The following DLG3 variants were observed in gnomAD, a reference collection of about 807,000 sequenced individuals.
The protein encoded by DLG3 is discs large MAGUK scaffold protein 3, also known as disks large homolog 3.
Under a neutral mutation model 64.1 loss-of-function variants are expected in DLG3, and 1 was observed. That is an observed-to-expected ratio of 0.02 (90% CI 0.01 to 0.07). DLG3 has a LOEUF of 0.07. DLG3 is among the 10% of genes least tolerant of loss of function. The pLI is 1.00. For synonymous variants in DLG3, 245 were observed against 259.8 expected, an observed-to-expected ratio of 0.94 and a Z score of 0.55; for missense variants, 429 against 669.5, an observed-to-expected ratio of 0.64 and a Z score of 3.96.
At chrX:70,493,002 A>G (rs2087386491) in intron 12 of DLG3, among the ~76,000 whole-genome samples, 2 of 111,261 alleles carry the variant, frequency 1.8e-5, no homozygotes, top group Non-Finnish European at 1.9e-5. Flanking sequence ...CTTTTTTTCT[A>G]TGAGCTTCAC....
intron 14 of DLG3, 59 bp from the exon 15 acceptor site, chrX:70,499,117 G>A (rs182522321): frequency 2.3e-6 from 2 of 866,294 alleles, no homozygotes; most frequent in East Asian, 3.2e-5. Flanking sequence ...AGACTCAGGG[G>A]TAGGACAGGC....
At chrX:70,495,342 A>G in intron 12 of DLG3, 66 bp from the exon 13 acceptor site, 2 of 1,035,017 alleles carry the variant, frequency 1.9e-6, no homozygotes, top group Non-Finnish European at 2.7e-6. Flanking sequence ...ATTCCCTCCC[A>G]TCCCTTCCCC....
At chrX:70,475,581 C>T (rs2087041825) in intron 9 of DLG3, among the ~76,000 whole-genome samples, 1 of 111,823 alleles carries the variant, frequency 8.9e-6, no homozygotes, top group Non-Finnish European at 1.9e-5. Context: ...AACTCCTGAC[C>T]TCAGATGAGT....
At chrX:70,470,427 C>T (rs922971553) in intron 9 of DLG3, among the ~76,000 whole-genome samples, 2 of 111,331 alleles carry the variant, frequency 1.8e-5, no homozygotes, top group Non-Finnish European at 3.8e-5. Flanking sequence ...GACAGGGTTT[C>T]ACCATGTTGG....
At chrX:70,467,733 A>T (rs968221154) in intron 9 of DLG3, among the ~76,000 whole-genome samples, 1 of 112,338 alleles carries the variant, frequency 8.9e-6, no homozygotes, top group Non-Finnish European at 1.9e-5. Flanking sequence ...TCTTCTTATC[A>T]AGTGTACCCA....
intron 1 of DLG3, chrX:70,448,446 C>A: frequency 1.9e-6 from 1 of 517,854 alleles, no homozygotes; most frequent in Non-Finnish European, 3.2e-6. Flanking sequence ...CAGTGGGAGT[C>A]TATGATCCCC....
intron 9 of DLG3, among the ~76,000 whole-genome samples, chrX:70,458,480 C>G (rs1049572571): frequency 1.8e-5 from 2 of 111,014 alleles, no homozygotes; most frequent in Non-Finnish European, 3.8e-5. Context: ...TTTGTAGAAA[C>G]AGGGTCTCAC....
chrX:70,484,997 T>TG (rs1336203765), intron 10 of DLG3, among the ~76,000 whole-genome samples: 1 of 112,308 alleles, frequency 8.9e-6, no homozygotes, highest in African/African-American at 3.2e-5. Flanking sequence ...GAGTGACTGT[T>TG]GCTTTATAAC....
Position 70,482,662 on chromosome X carries a change from G to GTTTTTTTT in DLG3, c.1520+3414_1520+3421dup, listed in dbSNP as rs774419870. 1.8e-3 allele frequency among the ~76,000 whole-genome samples: 121 copies of GTTTTTTTT among 66,038 alleles called. 2 individuals are homozygous for GTTTTTTTT. The highest frequency in any genetic ancestry group is 3.3e-3 in the African/African-American group (55 of 16,475). The allele number at this position is 66,038 out of a possible 115,157, so 57.3% of individuals were successfully genotyped here. A position where few individuals can be genotyped will look rare whatever the true frequency, so the allele number is the denominator to read the frequency against. On this transcript the variant is annotated intron_variant, in intron 10 of 18. Transcript: ENST00000374360. ...AGGTTTGGGAAAATACATGTGTGGTGTTTTTTTTTTTTTTTTTTTTTTTGA... is the reference window on the plus strand; with the variant it reads ...AGGTTTGGGAAAATACATGTGTGGTGTTTTTTTTTTTTTTTTTTTTTTTTTTTTTTTGA...
At chrX:70,479,607 C>T (rs1255243246) in intron 10 of DLG3, among the ~76,000 whole-genome samples, 1 of 111,486 alleles carries the variant, frequency 9.0e-6, no homozygotes, top group African/African-American at 3.3e-5. Flanking sequence ...ACTTGCCACC[C>T]CCCCATCCCC....
Position 70,448,741 on chromosome X carries a change from G to A in DLG3, c.358-172G>A, listed in dbSNP as rs931953390. ...AGCAAAGCAGGGATTGGTGGGGTGA[G>A]TGAGGAGCGGCCTCTTCCAGGTCAG... On this transcript the variant is annotated intron_variant, in intron 1 of 18. Transcript: ENST00000374360. 11 of 963,571 alleles carry A rather than the reference G, an allele frequency of 1.1e-5. No individual in the cohort carries two copies. The Admixed American group carries it at 2.6e-4, about 23-fold the overall frequency. The allele number at this position is 963,571 out of a possible 1,213,427, so 79.4% of individuals were successfully genotyped here.
intron 9 of DLG3, among the ~76,000 whole-genome samples, chrX:70,467,943 A>C (rs917493786): frequency 8.9e-6 from 1 of 112,010 alleles, no homozygotes; most frequent in African/African-American, 3.2e-5. Flanking sequence ...TTTTACCCTG[A>C]GCTGCTGGGT....
chrX:70,460,933 T>C (rs956722298), intron 9 of DLG3, among the ~76,000 whole-genome samples: 3 of 112,586 alleles, frequency 2.7e-5, no homozygotes, highest in Non-Finnish European at 3.7e-5. Context: ...GCTGAATATA[T>C]ATCATTATAT....
At chrX:70,491,972 C>T in intron 10 of DLG3, 135 bp from the exon 11 acceptor site, 1 of 636,666 alleles carries the variant, frequency 1.6e-6, no homozygotes, top group Non-Finnish European at 2.5e-6. Context: ...GATGTGGTCT[C>T]CTGGAGACAT....
intron 12 of DLG3, chrX:70,493,604 C>T: frequency 1.8e-6 from 1 of 559,822 alleles, no homozygotes. Context: ...TGCGTGTGCA[C>T]CTGCTTATCT....
At chrX:70,462,842 C>T (rs893099008) in intron 9 of DLG3, among the ~76,000 whole-genome samples, 3 of 111,472 alleles carry the variant, frequency 2.7e-5, no homozygotes, top group Non-Finnish European at 3.8e-5. Context: ...CTTTTAGGCC[C>T]AGCCCTGTTC....
Position 70,455,330 on chromosome X carries a change from T to G in DLG3, c.1405+1014T>G, listed in dbSNP as rs183125336. 78 of 752,248 alleles carry G rather than the reference T, an allele frequency of 1.0e-4. No individual in the cohort carries two copies. The African/African-American group carries it at 1.6e-3, about 16-fold the overall frequency. 62.0% of individuals were successfully genotyped at this position (752,248 alleles called of 1,213,427 possible). ...CCCTAACCTCTCTACGGCTCTGTTC[T>G]CAGCCTCTTTTCCAACACTGCGTGC... is the stretch of plus-strand genomic sequence containing the variant. On this transcript the variant is annotated intron_variant, in intron 9 of 18. Coordinates refer to ENST00000374360, the MANE Select transcript of DLG3 (RefSeq NM_021120.4).
chrX:70,478,018 T>C (rs755725700), intron 9 of DLG3, among the ~76,000 whole-genome samples: 11 of 111,671 alleles, frequency 9.9e-5, no homozygotes, highest in Non-Finnish European at 2.1e-4. Context: ...CCCCTGGAAG[T>C]GTGTTTGTTT....
chrX:70,446,629 C>T (rs1465543946), intron 1 of DLG3, among the ~76,000 whole-genome samples: 2 of 112,716 alleles, frequency 1.8e-5, no homozygotes, highest in Non-Finnish European at 3.8e-5. Flanking sequence ...CCCCTGGGTG[C>T]TGGGCACAAC....
Sources: gnomAD v4.1 joint callset for allele counts (sites outside exome capture counted in the v4.1 genomes callset) on GRCh38, gnomAD v4.1.1 for gene constraint, MANE v1.5 for transcripts, NCBI Gene and HGNC (gene_info 2026-07-23, HGNC 2026-07-21) for gene names.